Variants in ZNF730 observed in about 807,000 individuals in gnomAD.
The protein encoded by ZNF730 is putative zinc finger protein 730.
ZNF730 carries 12 observed loss-of-function variants against 12.6 expected under a neutral mutation model. The observed-to-expected ratio is 0.95, with a 90% CI of 0.61 to 1.54. ZNF730 has a LOEUF of 1.54. ZNF730 is among the 40% of genes most tolerant of loss of function. The probability of loss-of-function intolerance (pLI) is 0.00; values close to 1 mark genes in which losing one functional copy is unlikely to be tolerated. For missense variants in ZNF730, 643 were observed against 583.5 expected (o/e 1.10, Z -1.05); for synonymous variants, 194 against 195.8 (o/e 0.99, Z 0.08).
At chr19:23,094,516 CTT>C (rs1392472549) in intron 1 of ZNF730, among the ~76,000 whole-genome samples, 1 of 152,060 alleles carries the variant, frequency 6.6e-6, no homozygotes, top group Non-Finnish European at 1.5e-5. Flanking sequence ...GAATTTCACT[CTT>C]GTCACCCAGG....
chr19:23,085,836 CTTTTTTTTTTTTTTTTTTTTT>C (rs556123915), intron 1 of ZNF730, among the ~76,000 whole-genome samples: 1 of 54,806 alleles, frequency 1.8e-5, no homozygotes, highest in African/African-American at 8.3e-5. Flanking sequence ...ATTTTTTTTT[CTTTTTTTTTTTTTTTTTTTTT>C]TTTTTTGAGA....
At chr19:23,101,837 G>A (rs1257718369) in intron 1 of ZNF730, among the ~76,000 whole-genome samples, 1 of 152,124 alleles carries the variant, frequency 6.6e-6, no homozygotes, top group Non-Finnish European at 1.5e-5. Context: ...CAAAGTCCTG[G>A]GATTACAGGT....
At chr19:23,078,983 T>G (rs1247988095) in intron 1 of ZNF730, among the ~76,000 whole-genome samples, 3 of 151,748 alleles carry the variant, frequency 2.0e-5, no homozygotes, top group Non-Finnish European at 1.5e-5. Flanking sequence ...TTCTGTATTT[T>G]TAGTAGAGAT....
intron 3 of ZNF730, among the ~76,000 whole-genome samples, chr19:23,138,245 T>C (rs536533608): frequency 0.048 from 670 of 14,012 alleles, 261 homozygotes; most frequent in Non-Finnish European, 0.11. Flanking sequence ...ATCCCGCCAC[T>C]GCACTCCAGC....
At chr19:23,133,424 C>G (rs1970772031) in intron 1 of ZNF730, among the ~76,000 whole-genome samples, 1 of 152,196 alleles carries the variant, frequency 6.6e-6, no homozygotes, top group African/African-American at 2.4e-5. Context: ...TCACTGCAAC[C>G]TCTGTTTCCC....
intron 1 of ZNF730, among the ~76,000 whole-genome samples, chr19:23,086,037 G>A (rs1308236081): frequency 6.6e-6 from 1 of 151,636 alleles, no homozygotes; most frequent in Admixed American, 6.6e-5. Context: ...TAGAGACGGG[G>A]TTTCACCGTC....
At chr19:23,116,324 C>CTTTTCTTTTCTTTTCTTTTCTTTTCT (rs1310267923), upstream of ZNF730, among the ~76,000 whole-genome samples, 5 of 24,994 alleles carry the variant, frequency 2.0e-4, no homozygotes, top group Admixed American at 9.0e-4. Context: ...CTTTTCTTTT[C>CTTTTCTTTTCTTTTCTTTTCTTTTCT]TTTCTTTCTT....
chr19:23,087,618 C>CTT lies in ZNF730; in HGVS notation c.-94+12245_-94+12246dup, dbSNP rs555576971. The stretch of plus-strand genomic sequence containing the variant: ...CCTTTATTTTTCTTGTCTTTTCTTG[C>CTT]TTTTTTTTTTTTTTTGAGACGGAGT... On this transcript the variant is annotated intron_variant, in intron 1 of 2. Coordinates refer to the ZNF730 transcript ENST00000593635. 2.4e-3 allele frequency among the ~76,000 whole-genome samples: 331 copies of CTT among 135,772 alleles called. 2 individuals are homozygous for CTT. Among genetic ancestry groups the CTT allele is most frequent in the South Asian group, 0.012 (49 of 4,252 alleles). 89.1% of individuals were successfully genotyped at this position (135,772 alleles called of 152,430 possible).
intron 1 of ZNF730, chr19:23,095,489 G>A (rs774141792): frequency 2.5e-6 from 1 of 398,616 alleles, no homozygotes; most frequent in Non-Finnish European, 4.4e-6. Context: ...AGAAGAGATT[G>A]TAACATATCA....
intron 1 of ZNF730, among the ~76,000 whole-genome samples, chr19:23,129,199 G>A (rs577635915): frequency 6.6e-6 from 1 of 152,308 alleles, no homozygotes; most frequent in South Asian, 2.1e-4. Context: ...ACCCCACACA[G>A]AGTCCTTACT....
intron 1 of ZNF730, chr19:23,127,034 TA>T: frequency 1.9e-6 from 1 of 515,790 alleles, no homozygotes; most frequent in Non-Finnish European, 3.9e-6. Flanking sequence ...CCCGAGTTCC[TA>T]AAGCATATAA....
At chr19:23,136,194 T>G (rs1054558129) in intron 3 of ZNF730, 151 bp downstream of exon 3, 2 of 536,752 alleles carry the variant, frequency 3.7e-6, no homozygotes, top group Non-Finnish European at 5.5e-6. Flanking sequence ...TTATTTATTT[T>G]TTTTCCTCTC....
intron 3 of ZNF730, among the ~76,000 whole-genome samples, chr19:23,143,189 G>A (rs1011835840): frequency 3.9e-5 from 6 of 152,016 alleles, no homozygotes; most frequent in Non-Finnish European, 7.4e-5. Flanking sequence ...AGCTTGCAGT[G>A]AGCCGAAATA....
Position 23,136,001 on chromosome 19 carries a change from C to G in ZNF730, c.184C>G (p.Pro62Ala), listed in dbSNP as rs1342984336. Residue 62 changes from proline to alanine, a missense_variant, in exon 3 of 4, where the codon CCT becomes GCT. By Grantham distance (27) the Pro-to-Ala change is conservative (BLOSUM62 -1). Coordinates refer to ENST00000597761, the MANE Select transcript of ZNF730 (RefSeq NM_001277403.2). ...LITCLEQEKE[P>A]WNLKTHDMVA... The stretch of plus-strand genomic sequence containing the variant: ...CACCTGTCTGGAGCAAGAAAAAGAG[C>G]CTTGGAATTTGAAGACACATGATAT... 2.5e-6 allele frequency: 4 copies of G among 1,608,548 alleles called. No individual in the cohort carries two copies. Among genetic ancestry groups the G allele is most frequent in the Non-Finnish European group, 3.4e-6 (4 of 1,177,374 alleles).
At chr19:23,108,376 A>T (rs1970419904) in intron 1 of ZNF730, among the ~76,000 whole-genome samples, 1 of 150,660 alleles carries the variant, frequency 6.6e-6, no homozygotes, top group African/African-American at 2.4e-5. Flanking sequence ...GCAGTCTGGG[A>T]TGAAAACAAT....
intron 1 of ZNF730, among the ~76,000 whole-genome samples, chr19:23,132,837 A>G (rs1421465614): frequency 1.3e-5 from 2 of 152,226 alleles, no homozygotes; most frequent in South Asian, 2.1e-4. Context: ...AAGAAAGACT[A>G]TTTAAAATAA....
At chr19:23,119,564 A>G (rs1970573285) in intron 1 of ZNF730, among the ~76,000 whole-genome samples, 1 of 152,194 alleles carries the variant, frequency 6.6e-6, no homozygotes, top group East Asian at 1.9e-4. Context: ...GGCTCACGCC[A>G]TCTCAGCACT....
At chr19:23,122,132 C>CTTTTT (rs71163449) in intron 1 of ZNF730, among the ~76,000 whole-genome samples, 1 of 22,778 alleles carries the variant, frequency 4.4e-5, no homozygotes, top group African/African-American at 1.7e-4. Context: ...TTGTTTAAAG[C>CTTTTT]TTTTTTTTTT....
chr19:23,094,569 G>A (rs1453500242), intron 1 of ZNF730, among the ~76,000 whole-genome samples: 1 of 152,100 alleles, frequency 6.6e-6, no homozygotes, highest in Non-Finnish European at 1.5e-5. Flanking sequence ...CGCTTCCTGG[G>A]TTCAAGCAAT....
Sources: allele counts gnomAD v4.1 joint callset (sites outside exome capture counted in the v4.1 genomes callset), GRCh38; gene constraint gnomAD v4.1.1; transcripts MANE v1.5; gene names NCBI Gene and HGNC (gene_info 2026-07-23, HGNC 2026-07-21).